The following NRG3 variants were observed in gnomAD, a reference collection of about 807,000 sequenced individuals.
NRG3 encodes pro-neuregulin-3, membrane-bound isoform.
A neutral mutation model predicts 66.9 loss-of-function variants in NRG3; 31 were observed. That is an observed-to-expected ratio of 0.46 (90% CI 0.35 to 0.63). The LOEUF is 0.63. NRG3 is among the 20% of genes least tolerant of loss of function. The pLI is 0.00. For missense variants in NRG3, 910 were observed against 878.9 expected (o/e 1.04, Z -0.45); for synonymous variants, 393 against 359.4 (o/e 1.09, Z -1.06).
At chr10:82,165,544 A>G (rs1184563489) in intron 1 of NRG3, among the ~76,000 whole-genome samples, 3 of 151,984 alleles carry the variant, frequency 2.0e-5, no homozygotes, top group Non-Finnish European at 2.9e-5. Flanking sequence ...ATTCACTCAT[A>G]GTTGTTTCCT....
intron 1 of NRG3, among the ~76,000 whole-genome samples, chr10:82,063,356 A>G (rs1257471228): frequency 6.6e-6 from 1 of 152,150 alleles, no homozygotes; most frequent in Admixed American, 6.5e-5. Flanking sequence ...CAAATATCTT[A>G]GCTTATAATA....
intron 2 of NRG3, among the ~76,000 whole-genome samples, chr10:82,364,638 G>T (rs771143327): frequency 1.8e-4 from 28 of 152,162 alleles, no homozygotes; most frequent in Non-Finnish European, 3.1e-4. Flanking sequence ...AAGTAAAAAG[G>T]ATGTGTCTCT....
Position 82,603,246 on chromosome 10 carries a change from G to A in NRG3, c.954-135331G>A, listed in dbSNP as rs552467154. Among the ~76,000 whole-genome samples, 242 of 152,260 alleles carry A rather than the reference G, an allele frequency of 1.6e-3. 2 individuals carry two copies. Among genetic ancestry groups the A allele is most frequent in the African/African-American group, 5.5e-3 (229 of 41,548 alleles). ...TTGAGGTGTCATTGGGAATGTGGCT[G>A]CTAGAGCCCCACTCTCGGGAGGCAA... On this transcript the variant is annotated intron_variant, in intron 2 of 8. Coordinates refer to ENST00000372141, the MANE Select transcript of NRG3 (RefSeq NM_001010848.4).
At chr10:82,631,594 T>G (rs994596617) in intron 2 of NRG3, among the ~76,000 whole-genome samples, 5 of 151,832 alleles carry the variant, frequency 3.3e-5, no homozygotes, top group African/African-American at 1.2e-4. Context: ...CGTGGTTTTT[T>G]TTTTTTTTTT....
chr10:82,015,696 A>G (rs533125288), intron 1 of NRG3, among the ~76,000 whole-genome samples: 2 of 152,046 alleles, frequency 1.3e-5, no homozygotes, highest in East Asian at 3.9e-4. Flanking sequence ...TTTATAAATT[A>G]CCGCATCTCG....
intron 1 of NRG3, among the ~76,000 whole-genome samples, chr10:82,097,407 C>CTT (rs2066415127): frequency 7.2e-6 from 1 of 139,394 alleles, no homozygotes; most frequent in Non-Finnish European, 1.5e-5. Flanking sequence ...CTCCCAGATA[C>CTT]ATATATATAT....
intron 2 of NRG3, among the ~76,000 whole-genome samples, chr10:82,532,858 T>C (rs1393642027): frequency 2.0e-5 from 3 of 151,566 alleles, no homozygotes; most frequent in African/African-American, 7.2e-5. Flanking sequence ...ATTTTTTCCA[T>C]TGATGCCGCA....
intron 3 of NRG3, among the ~76,000 whole-genome samples, chr10:82,743,126 C>T (rs1002482104): frequency 9.9e-5 from 15 of 152,102 alleles, no homozygotes; most frequent in Admixed American, 3.3e-4. Flanking sequence ...CTCTCCCTGT[C>T]AGAATCCAGT....
chr10:82,002,172 G>T (rs533945507), intron 1 of NRG3, among the ~76,000 whole-genome samples: 1 of 152,210 alleles, frequency 6.6e-6, no homozygotes, highest in African/African-American at 2.4e-5. Flanking sequence ...ATTGACCCCA[G>T]AATTATTTCT....
chr10:82,947,629 G>A (rs1849143170), intron 4 of NRG3, among the ~76,000 whole-genome samples: 1 of 151,988 alleles, frequency 6.6e-6, no homozygotes, highest in South Asian at 2.1e-4. Context: ...ATTCTAGCGG[G>A]GGTGCCATAT....
chr10:81,940,878 T>C lies in NRG3; in HGVS notation c.823+64715T>C, dbSNP rs560581367. On this transcript the variant is annotated intron_variant, in intron 1 of 8. Coordinates refer to ENST00000372141, the MANE Select transcript of NRG3 (RefSeq NM_001010848.4). ...ACCGAATGTATATCCTATCACATCT[T>C]GATTTGGATGAGGCTTTTCATTTTA... is the stretch of plus-strand genomic sequence containing the variant. Among the ~76,000 whole-genome samples, 35 of 152,236 alleles carry C rather than the reference T, an allele frequency of 2.3e-4. 1 individual carries two copies. The highest frequency in any genetic ancestry group is 7.2e-4 in the African/African-American group (30 of 41,548).
At chr10:82,135,113 C>G (rs941064062) in intron 1 of NRG3, among the ~76,000 whole-genome samples, 46 of 145,044 alleles carry the variant, frequency 3.2e-4, no homozygotes, top group African/African-American at 1.0e-3. Flanking sequence ...GTGAGTGGGA[C>G]TCCCTCTCAA....
intron 2 of NRG3, among the ~76,000 whole-genome samples, chr10:82,461,956 C>A (rs1394276145): frequency 6.6e-6 from 1 of 152,018 alleles, no homozygotes; most frequent in Non-Finnish European, 1.5e-5. Context: ...CATGGAGAAA[C>A]CCCGTCTCTA....
At chr10:82,098,054 T>TATAC (rs757078526) in intron 1 of NRG3, among the ~76,000 whole-genome samples, 11,421 of 146,574 alleles carry the variant, frequency 0.078, 417 homozygotes, top group Middle Eastern at 0.1. Context: ...GCCACATATA[T>TATAC]ACACACACAC....
chr10:82,488,452 T>C (rs1842851897), intron 2 of NRG3, among the ~76,000 whole-genome samples: 1 of 152,238 alleles, frequency 6.6e-6, no homozygotes, highest in Non-Finnish European at 1.5e-5. Context: ...AAATCTGGAC[T>C]ACATTGAGAA....
chr10:82,141,970 T>C (rs2069823052), intron 1 of NRG3, among the ~76,000 whole-genome samples: 4 of 152,156 alleles, frequency 2.6e-5, no homozygotes, highest in Admixed American at 2.6e-4. Context: ...AGCCAAAGGT[T>C]CTCACATTTT....
intron 6 of NRG3, among the ~76,000 whole-genome samples, chr10:82,965,133 G>C (rs1851086741): frequency 1.3e-5 from 2 of 152,172 alleles, no homozygotes; most frequent in African/African-American, 4.8e-5. Context: ...AAACACTTGA[G>C]CTAATGCTGA....
chr10:81,977,380 A>T (rs2060163512), intron 1 of NRG3, among the ~76,000 whole-genome samples: 2 of 152,182 alleles, frequency 1.3e-5, no homozygotes, highest in Admixed American at 6.5e-5. Context: ...CTTTAAAAAT[A>T]TTCACCAAAT....
chr10:82,553,422 T>C (rs2044456007), intron 2 of NRG3, among the ~76,000 whole-genome samples: 1 of 152,270 alleles, frequency 6.6e-6, no homozygotes, highest in Middle Eastern at 3.4e-3. Flanking sequence ...CATATCCATC[T>C]TTCTTTGGAG....
Sources: allele counts gnomAD v4.1 joint callset (sites outside exome capture counted in the v4.1 genomes callset), GRCh38; gene constraint gnomAD v4.1.1; transcripts MANE v1.5; gene names NCBI Gene and HGNC (gene_info 2026-07-23, HGNC 2026-07-21).